Variants in ZNF697 observed in about 807,000 individuals in gnomAD.
ZNF697 encodes zinc finger protein 697.
ZNF697 carries 23 observed loss-of-function variants against 32.4 expected under a neutral mutation model. The ratio of observed to expected loss-of-function variants is 0.71; its 90% CI spans 0.51 to 1.01. The LOEUF is 1.01. Among genes scored for constraint, ZNF697 ranks in the 50% least tolerant of loss-of-function variants. ZNF697 has a pLI of 0.00. For missense variants in ZNF697, 930 were observed against 794.0 expected (o/e 1.17, Z -2.06); for synonymous variants, 418 against 337.2 (o/e 1.24, Z -2.62).
At chr1:119,625,083 C>G (rs1435894638) in intron 2 of ZNF697, among the ~76,000 whole-genome samples, 1 of 151,884 alleles carries the variant, frequency 6.6e-6, no homozygotes, top group African/African-American at 2.4e-5. Context: ...ACCTGTTGGT[C>G]TCTGGCTGCG....
chr1:119,626,483 A>G (rs1648595095), intron 1 of ZNF697, among the ~76,000 whole-genome samples: 1 of 152,238 alleles, frequency 6.6e-6, no homozygotes, highest in Admixed American at 6.5e-5. Context: ...CTCAAAAAGA[A>G]GAGGCCACTA....
chr1:119,635,484 G>C (rs1352863863), intron 1 of ZNF697, among the ~76,000 whole-genome samples: 1 of 152,078 alleles, frequency 6.6e-6, no homozygotes, highest in African/African-American at 2.4e-5. Flanking sequence ...AAATGATCCT[G>C]CCCACCAGAA....
At chr1:119,626,185 C>CGGAT (rs1557936261) in intron 1 of ZNF697, 48 bp from the exon 2 acceptor site, 5 of 1,565,730 alleles carry the variant, frequency 3.2e-6, no homozygotes, top group Non-Finnish European at 4.3e-6. Context: ...CGGTCTCATC[C>CGGAT]CCTCACCACG....
At position 119,625,877 on chromosome 1, in the gene ZNF697, G is replaced by C; in HGVS notation, c.224C>G (p.Thr75Arg). 3.1e-6 allele frequency: 5 copies of C among 1,613,564 alleles called. No homozygotes were observed. The highest frequency in any genetic ancestry group is 4.2e-6 in the Non-Finnish European group (5 of 1,179,834). The stretch of plus-strand genomic sequence containing the variant: ...AGAAATCCCAGCTTTCTCCTCACCT[G>C]TGCAGATGTCGGGCACTGCTTCCCT... ...RHREAVPDIC[T>R]EGQLSEEEGV... Residue 75 changes from threonine (T) to arginine (R), a missense_variant and splice_region_variant, in exon 2 of 3, where the codon ACA becomes AGA. Coordinates refer to ENST00000421812, the MANE Select transcript of ZNF697 (RefSeq NM_001080470.2).
At position 119,623,446 on chromosome 1, in the gene ZNF697, G is replaced by A; in HGVS notation, c.897C>T (p.Ser299=). The A allele has an allele frequency of 1.3e-6, 2 of 1,554,286 alleles. No homozygotes were observed. The highest frequency in any genetic ancestry group is 1.7e-6 in the Non-Finnish European group (2 of 1,151,716). The change falls in exon 3 of 3, where the codon AGC becomes AGT. Residue 299 remains serine, a synonymous_variant. Coordinates refer to ENST00000421812, the MANE Select transcript of ZNF697 (RefSeq NM_001080470.2). The stretch of plus-strand genomic sequence containing the variant: ...GGTGCTTGAGCAGGTCGGCGCGCCA[G>A]CTGAAGCTCTTGCCGCAGTCGGCGC... ...NLCADCGKSF[S]WRADLLKHRR...
chr1:119,643,386 C>A (rs1352602655), intron 1 of ZNF697, among the ~76,000 whole-genome samples: 4 of 152,132 alleles, frequency 2.6e-5, no homozygotes, highest in African/African-American at 9.7e-5. Flanking sequence ...CCATAGCACA[C>A]TGTGTTTATA....
chr1:119,628,215 A>G (rs1648655073), intron 1 of ZNF697, among the ~76,000 whole-genome samples: 1 of 152,214 alleles, frequency 6.6e-6, no homozygotes, highest in East Asian at 1.9e-4. Context: ...CCAGCATGGC[A>G]TAAAAGGGAT....
At position 119,622,130 on chromosome 1, in the gene ZNF697, A is replaced by C. The variant is rs1382591259; in HGVS notation, c.*575T>G. On this transcript the variant is annotated 3_prime_UTR_variant, in exon 3 of 3. Coordinates refer to ENST00000421812, the MANE Select transcript of ZNF697 (RefSeq NM_001080470.2). ...CAGCCCACTTCCCCTTGGATGCCTC[A>C]AAATAGCAGCTAACTGTGGCTCAGA... The C allele has an allele frequency of 6.5e-6, 1 of 152,672 alleles. No individual in the cohort carries two copies. Among genetic ancestry groups the C allele is most frequent in the Non-Finnish European group, 1.5e-5 (1 of 68,078 alleles). 9.5% of individuals were successfully genotyped at this position (152,672 alleles called of 1,614,324 possible).
chr1:119,623,500 G>T lies in ZNF697; in HGVS notation c.843C>A (p.Arg281=). ...SRNTYLTNHL[R]LHTGERPNLC... is the part of the protein sequence containing the mutation. The stretch of plus-strand genomic sequence containing the variant: ...GGTTGGGCCGCTCGCCCGTGTGCAG[G>T]CGCAGGTGGTTGGTCAGGTAGGTGT... The change falls in exon 3 of 3, where the codon CGC becomes CGA. Residue 281 remains arginine, a synonymous_variant. Coordinates refer to ENST00000421812, the MANE Select transcript of ZNF697 (RefSeq NM_001080470.2). The T allele has an allele frequency of 6.4e-7, 1 of 1,571,182 alleles. No homozygotes were observed. The highest frequency in any genetic ancestry group is 1.2e-5 in the South Asian group (1 of 86,824).
chr1:119,631,299 T>C (rs1339315565), intron 1 of ZNF697, among the ~76,000 whole-genome samples: 1 of 152,238 alleles, frequency 6.6e-6, no homozygotes, highest in Non-Finnish European at 1.5e-5. Context: ...CACCTTCCTA[T>C]GCACTGCAGC....
chr1:119,646,773 T>G (rs1357595174), intron 1 of ZNF697, among the ~76,000 whole-genome samples: 1 of 152,130 alleles, frequency 6.6e-6, no homozygotes, highest in East Asian at 1.9e-4. Flanking sequence ...AAAGGAGAGA[T>G]AGTGAGTGTG....
chr1:119,638,153 CTATAT>C (rs1648975916), intron 1 of ZNF697, among the ~76,000 whole-genome samples: 1 of 152,164 alleles, frequency 6.6e-6, no homozygotes, highest in Non-Finnish European at 1.5e-5. Flanking sequence ...AATTATCAAA[CTATAT>C]TATATTTTCT....
At position 119,623,944 on chromosome 1, in the gene ZNF697, C is replaced by G; in HGVS notation, c.399G>C (p.Glu133Asp). The G allele has an allele frequency of 6.3e-7, 1 of 1,598,248 alleles. No homozygotes were observed. Residue 133 changes from glutamate (E) to aspartate (D), a missense_variant, in exon 3 of 3, where the codon GAG becomes GAC. Coordinates refer to ENST00000421812, the MANE Select transcript of ZNF697 (RefSeq NM_001080470.2). ...SAGENRLEEE[E>D]EQPAPPVLPW... The stretch of plus-strand genomic sequence containing the variant: ...GAAGTACGGGAGGGGCCGGCTGCTC[C>G]TCTTCCTCCTCCAGCCGGTTCTCCC...
chr1:119,639,840 C>A (rs1649019870), intron 1 of ZNF697, among the ~76,000 whole-genome samples: 1 of 151,896 alleles, frequency 6.6e-6, no homozygotes, highest in Non-Finnish European at 1.5e-5. Context: ...GCCTGGGTGA[C>A]AGAGCAAGAT....
chr1:119,646,561 G>A (rs1434306047), intron 1 of ZNF697, among the ~76,000 whole-genome samples: 1 of 152,058 alleles, frequency 6.6e-6, no homozygotes, highest in African/African-American at 2.4e-5. Context: ...TTTATATCAG[G>A]CTCAGGGCTC....
In ZNF697 at chr1:119,621,052, G is replaced by C. The variant is rs35922771; in HGVS notation, c.*1653C>G. 2 of 152,058 alleles carry C rather than the reference G, an allele frequency of 1.3e-5. No homozygotes were observed. Among genetic ancestry groups the C allele is most frequent in the African/African-American group, 4.8e-5 (2 of 41,420 alleles). 9.4% of individuals were successfully genotyped at this position (152,058 alleles called of 1,614,324 possible). On this transcript the variant is annotated 3_prime_UTR_variant, in exon 3 of 3. Transcript: ENST00000421812. The stretch of plus-strand genomic sequence containing the variant: ...ATAAGTAACTGAAATCTATACAAGA[G>C]TCATCTAACTACAGCCCCTTACTAG...
At chr1:119,629,765 G>A (rs1047172210) in intron 1 of ZNF697, among the ~76,000 whole-genome samples, 5 of 152,310 alleles carry the variant, frequency 3.3e-5, no homozygotes, top group Admixed American at 6.5e-5. Context: ...TCCCAGCTAC[G>A]TTCATGGAGA....
chr1:119,634,162 G>A (rs971014892), intron 1 of ZNF697, among the ~76,000 whole-genome samples: 3 of 152,186 alleles, frequency 2.0e-5, no homozygotes, highest in African/African-American at 7.2e-5. Context: ...ATGATTCTGT[G>A]ATCATATTTC....
chr1:119,619,599 A>T lies in ZNF697; in HGVS notation c.*3106T>A, dbSNP rs1183895763. The T allele has an allele frequency of 6.5e-6, 1 of 152,700 alleles. No homozygotes were observed. The highest frequency in any genetic ancestry group is 2.4e-5 in the African/African-American group (1 of 41,468). The allele number at this position is 152,700 out of a possible 1,614,324, so 9.5% of individuals were successfully genotyped here. ...GATCATTAAATTATTCACTATTTTA[A>T]CAAACAGCTGTAAAATAACATTACA... On this transcript the variant is annotated 3_prime_UTR_variant, in exon 3 of 3. Transcript: ENST00000421812.
Sources: allele counts gnomAD v4.1 joint callset (sites outside exome capture counted in the v4.1 genomes callset), GRCh38; gene constraint gnomAD v4.1.1; transcripts MANE v1.5; gene names NCBI Gene and HGNC (gene_info 2026-07-23, HGNC 2026-07-21).